PTPN3: variants seen among roughly 807,000 people sequenced by gnomAD.
PTPN3 encodes tyrosine-protein phosphatase non-receptor type 3.
In PTPN3, 96 loss-of-function variants were observed where a neutral mutation model predicts 132.7. The ratio of observed to expected loss-of-function variants is 0.72; its 90% confidence interval spans 0.61 to 0.86. The LOEUF (loss-of-function observed/expected upper bound fraction) is 0.86, where lower values mean the gene tolerates loss of function less well. PTPN3 is among the 40% of genes least tolerant of loss of function. PTPN3 has a pLI of 0.00. For missense variants in PTPN3, 1,125 were observed against 1,159.6 expected, an observed-to-expected ratio of 0.97 and a Z score of 0.43; for synonymous variants, 398 against 429.0, an observed-to-expected ratio of 0.93 and a Z score of 0.89.
intron 2 of PTPN3, 103 bp from the exon 3 acceptor site, chr9:109,457,502 T>A (rs563606250): frequency 7.1e-6 from 6 of 840,494 alleles, no homozygotes; most frequent in Non-Finnish European, 1.1e-5. Flanking sequence ...AGAAATGCTA[T>A]GCACACACAC....
intron 5 of PTPN3, chr9:109,450,120 G>A (rs1190657418): frequency 2.0e-6 from 2 of 984,090 alleles, no homozygotes; most frequent in Admixed American, 1.2e-4. Context: ...ATGTTTAATG[G>A]CTAAAAAGCT....
chr9:109,490,674 T>C (rs1009031871), intron 1 of PTPN3, among the ~76,000 whole-genome samples: 19 of 150,158 alleles, frequency 1.3e-4, no homozygotes, highest in African/African-American at 4.6e-4. Flanking sequence ...AGGAGTCGGA[T>C]GCTGCAGTGA....
At chr9:109,437,187 A>G (rs915544155) in intron 8 of PTPN3, among the ~76,000 whole-genome samples, 4 of 152,238 alleles carry the variant, frequency 2.6e-5, no homozygotes, top group Admixed American at 2.0e-4. Flanking sequence ...TTTTAAATTA[A>G]ATAATACTTC....
intron 23 of PTPN3, 134 bp from the exon 24 acceptor site, chr9:109,382,581 C>G (rs1334403563): frequency 1.0e-6 from 1 of 979,656 alleles, no homozygotes; most frequent in African/African-American, 1.6e-5. Context: ...TGGCCCCTAG[C>G]AATTCCTCCC....
chr9:109,433,758 A>G (rs1843826642), intron 9 of PTPN3, among the ~76,000 whole-genome samples: 1 of 152,032 alleles, frequency 6.6e-6, no homozygotes, highest in African/African-American at 2.4e-5. Flanking sequence ...AATACAAAAA[A>G]TTAGGTGGGT....
intron 1 of PTPN3, among the ~76,000 whole-genome samples, chr9:109,474,881 C>G (rs1359990638): frequency 6.6e-6 from 1 of 152,136 alleles, no homozygotes; most frequent in African/African-American, 2.4e-5. Flanking sequence ...ACTGCTTACC[C>G]TCTCTGAGAC....
chr9:109,483,481 C>G (rs73654250), intron 1 of PTPN3, among the ~76,000 whole-genome samples: 3,393 of 152,148 alleles, frequency 0.022, 116 homozygotes, highest in African/African-American at 0.077. Flanking sequence ...ACAAATCAAT[C>G]AGAGAGAGAG....
chr9:109,491,327 T>A (rs1040311095), intron 1 of PTPN3, among the ~76,000 whole-genome samples: 5 of 152,120 alleles, frequency 3.3e-5, no homozygotes, highest in African/African-American at 1.2e-4. Flanking sequence ...GAAATATATG[T>A]AGGGGGAAAG....
the PTPN3 span, among the ~76,000 whole-genome samples, chr9:109,526,311 A>T: frequency 6.7e-6 from 1 of 150,306 alleles, no homozygotes; most frequent in Non-Finnish European, 1.5e-5. Context: ...TGCAGTTTTA[A>T]TGCAAACTCA....
At position 109,410,223 on chromosome 9, in the gene PTPN3, G is replaced by A. The variant is rs201392038; in HGVS notation, c.1500+6C>T. Reference sequence around the variant, plus strand: ...GTGGATCACCCGGCTGCCTGCGCTCGCTCACCTTGTCACAGTAGTACTGGC... The same window carrying A: ...GTGGATCACCCGGCTGCCTGCGCTCACTCACCTTGTCACAGTAGTACTGGC... On this transcript the variant is annotated splice_donor_region_variant and intron_variant, in intron 15 of 25. Transcript: ENST00000374541. 3.0e-5 allele frequency: 48 copies of A among 1,612,638 alleles called. No homozygotes were observed. Among genetic ancestry groups the A allele is most frequent in the Middle Eastern group, 3.3e-4 (2 of 6,058 alleles).
intron 5 of PTPN3, chr9:109,449,560 T>C: frequency 2.0e-6 from 2 of 985,344 alleles, no homozygotes; most frequent in Non-Finnish European, 2.4e-6. Flanking sequence ...CTCCTCTGCC[T>C]GGGGAGCGGG....
At chr9:109,425,322 C>A (rs1843167607) in intron 12 of PTPN3, among the ~76,000 whole-genome samples, 1 of 152,186 alleles carries the variant, frequency 6.6e-6, no homozygotes, top group Non-Finnish European at 1.5e-5. Context: ...TTCCACCTAT[C>A]AGAAAGATAA....
chr9:109,459,084 T>C (rs1845702233), intron 2 of PTPN3, among the ~76,000 whole-genome samples: 1 of 152,224 alleles, frequency 6.6e-6, no homozygotes, highest in Non-Finnish European at 1.5e-5. Context: ...TCTCCTCCTC[T>C]GAAGTGCATA....
At chr9:109,475,751 A>T (rs543657142) in intron 1 of PTPN3, among the ~76,000 whole-genome samples, 1 of 152,326 alleles carries the variant, frequency 6.6e-6, no homozygotes, top group African/African-American at 2.4e-5. Flanking sequence ...CAGAAAAGAA[A>T]ACAGCTAAAG....
chr9:109,506,373 A>ACTG, the PTPN3 span, among the ~76,000 whole-genome samples: 1 of 152,214 alleles, frequency 6.6e-6, no homozygotes, highest in Non-Finnish European at 1.5e-5. Context: ...CCGAAGAGGA[A>ACTG]CTGTATGAGT....
intron 1 of PTPN3, among the ~76,000 whole-genome samples, chr9:109,481,190 A>G (rs1846942903): frequency 6.6e-6 from 1 of 152,202 alleles, no homozygotes; most frequent in South Asian, 2.1e-4. Flanking sequence ...CTCCTGGTTC[A>G]AGTCCCTCAG....
the PTPN3 span, among the ~76,000 whole-genome samples, chr9:109,537,595 C>G: frequency 6.6e-6 from 1 of 152,176 alleles, no homozygotes; most frequent in African/African-American, 2.4e-5. Flanking sequence ...TCTTTTCTTT[C>G]TAGTTCTTTA....
At chr9:109,510,599 A>ATATATATATATATATATATATATATATT in the PTPN3 span, among the ~76,000 whole-genome samples, 64 of 82,714 alleles carry the variant, frequency 7.7e-4, no homozygotes, top group Non-Finnish European at 1.0e-3. Context: ...ATATATATAT[A>ATATATATATATATATATATATATATATT]TATATATATG....
At chr9:109,462,726 G>A (rs1382418331) in intron 2 of PTPN3, among the ~76,000 whole-genome samples, 1 of 151,966 alleles carries the variant, frequency 6.6e-6, no homozygotes, top group East Asian at 2.0e-4. Flanking sequence ...AGTGGGATGA[G>A]CCAGAACCTC....
Sources: gnomAD v4.1 joint callset for allele counts (sites outside exome capture counted in the v4.1 genomes callset) on GRCh38, gnomAD v4.1.1 for gene constraint, MANE v1.5 for transcripts, NCBI Gene and HGNC (gene_info 2026-07-23, HGNC 2026-07-21) for gene names.